RP1L1: variants seen among roughly 807,000 people sequenced by gnomAD.
RP1L1 encodes retinitis pigmentosa 1-like 1 protein.
A neutral mutation model predicts 15.7 loss-of-function variants in RP1L1; 27 were observed. The observed-to-expected ratio is 1.72, with a 90% CI of 1.27 to 2.38. The LOEUF is 2.38. Among genes scored for constraint, RP1L1 ranks in the 30% most tolerant of loss-of-function variants. The pLI is 0.00. For synonymous variants in RP1L1, 1,813 were observed against 1,276.7 expected (o/e 1.42, Z -8.96); for missense variants, 4,798 against 3,075.9 (o/e 1.56, Z -13.24).
chr8:10,607,484 G>A lies in RP1L1; in HGVS notation c.6614C>T (p.Ala2205Val). ...CTCTACACCTTCTAACTCTGGTTGG[G>A]CCTCCCCTTCTGCCTCTGGGGCCTC... ...GIEAPEAEGE[A>V]QPELEGVEAP... Residue 2205 changes from alanine to valine, a missense_variant, in exon 4 of 4, where the codon GCC becomes GTC. By Grantham distance (64) the Ala-to-Val change is moderately conservative. Coordinates refer to ENST00000382483, the MANE Select transcript of RP1L1 (RefSeq NM_178857.6). 1 of 1,609,236 alleles carries A rather than the reference G, an allele frequency of 6.2e-7. No homozygotes were observed. Among genetic ancestry groups the A allele is most frequent in the Non-Finnish European group, 8.5e-7 (1 of 1,176,952 alleles).
chr8:10,654,639 T>C (rs1227213669), intron 1 of RP1L1, among the ~76,000 whole-genome samples: 1 of 152,202 alleles, frequency 6.6e-6, no homozygotes. Flanking sequence ...CAGGCTGTGA[T>C]ACTAACATCC....
At chr8:10,618,380 C>T (rs183368509) in intron 2 of RP1L1, among the ~76,000 whole-genome samples, 17 of 152,214 alleles carry the variant, frequency 1.1e-4, no homozygotes, top group African/African-American at 2.9e-4. Flanking sequence ...TGGTGGTAGA[C>T]GCCTGTAATC....
At position 10,611,449 on chromosome 8, in the gene RP1L1, C is replaced by T; in HGVS notation, c.2649G>A (p.Gly883=). 4 of 1,570,954 alleles carry T rather than the reference C, an allele frequency of 2.5e-6. No individual in the cohort carries two copies. Among genetic ancestry groups the T allele is most frequent in the Non-Finnish European group, 3.4e-6 (4 of 1,160,682 alleles). ...TGSSHQSTAR[G]PGGSPQEGTR... is the part of the protein sequence containing the mutation. ...TCCCCTCCTGCGGGCTCCCACCTGG[C>T]CCCCGGGCAGTGCTTTGGTGGCTGC... Residue 883 remains glycine, a synonymous_variant, in exon 4 of 4, where the codon GGG becomes GGA. Coordinates refer to ENST00000382483, the MANE Select transcript of RP1L1 (RefSeq NM_178857.6).
chr8:10,621,599 T>C, intron 2 of RP1L1: 3 of 424,922 alleles, frequency 7.1e-6, no homozygotes, highest in East Asian at 7.3e-5. Context: ...GTGCTGGGAT[T>C]ACAGGCGTGC....
rs550213627 is a variant in RP1L1 at position 10,655,043 on chromosome 8, C to T, written c.-165G>A. The stretch of plus-strand genomic sequence containing the variant: ...GGCAGCAGGGCTGGCCACCCTCCTC[C>T]GGACAGTCCTCGGGGCCACTCTCCT... On this transcript the variant is annotated 5_prime_UTR_variant, in exon 1 of 4. Transcript: ENST00000382483. 2.5e-3 allele frequency: 378 copies of T among 152,892 alleles called. 4 individuals carry two copies. Among genetic ancestry groups the T allele is most frequent in the Non-Finnish European group, 3.9e-3 (268 of 68,134 alleles). 9.5% of individuals were successfully genotyped at this position (152,892 alleles called of 1,614,324 possible).
intron 1 of RP1L1, among the ~76,000 whole-genome samples, chr8:10,637,926 T>A (rs1434717506): frequency 6.6e-6 from 1 of 152,220 alleles, no homozygotes; most frequent in Non-Finnish European, 1.5e-5. Flanking sequence ...GAGCTAGTTC[T>A]TGGGACAGCC....
intron 1 of RP1L1, among the ~76,000 whole-genome samples, chr8:10,637,193 C>A (rs1324015287): frequency 6.6e-6 from 1 of 152,202 alleles, no homozygotes; most frequent in Non-Finnish European, 1.5e-5. Flanking sequence ...CACAGCAAGG[C>A]TGCCTCTCCC....
At chr8:10,649,063 C>A (rs942032077) in intron 1 of RP1L1, among the ~76,000 whole-genome samples, 6 of 152,232 alleles carry the variant, frequency 3.9e-5, no homozygotes, top group Non-Finnish European at 8.8e-5. Flanking sequence ...AGATGGGAGA[C>A]TTCTCTGTGG....
chr8:10,644,068 T>C (rs1367682323), intron 1 of RP1L1, among the ~76,000 whole-genome samples: 1 of 152,002 alleles, frequency 6.6e-6, no homozygotes, highest in African/African-American at 2.4e-5. Context: ...AAGGCTATGT[T>C]GGGTTCCAAG....
At chr8:10,622,202 T>C (rs1798070436) in intron 2 of RP1L1, among the ~76,000 whole-genome samples, 1 of 151,860 alleles carries the variant, frequency 6.6e-6, no homozygotes, top group African/African-American at 2.4e-5. Flanking sequence ...ATGCCTGTAA[T>C]CCCAGCTACT....
intron 1 of RP1L1, among the ~76,000 whole-genome samples, chr8:10,632,104 G>C (rs1464961044): frequency 6.6e-6 from 1 of 152,178 alleles, no homozygotes; most frequent in Non-Finnish European, 1.5e-5. Context: ...CACAAAGATG[G>C]GGCAACCCTG....
chr8:10,615,322 G>T (rs1275538031), intron 3 of RP1L1, among the ~76,000 whole-genome samples: 2 of 152,196 alleles, frequency 1.3e-5, no homozygotes, highest in Non-Finnish European at 1.5e-5. Context: ...AAATAAGTGT[G>T]TGTAGTTTTA....
At chr8:10,645,554 G>A (rs1171184765) in intron 1 of RP1L1, among the ~76,000 whole-genome samples, 2 of 152,132 alleles carry the variant, frequency 1.3e-5, no homozygotes, top group African/African-American at 2.4e-5. Flanking sequence ...TCCAGCCCTC[G>A]GAGGGAGGAT....
In RP1L1 at chr8:10,608,681, T is replaced by G. The variant is rs373652330; in HGVS notation, c.5417A>C (p.Gln1806Pro). The G allele has an allele frequency of 6.2e-7, 1 of 1,614,212 alleles. No homozygotes were observed. Among genetic ancestry groups the G allele is most frequent in the Non-Finnish European group, 8.5e-7 (1 of 1,180,038 alleles). Residue 1806 changes from glutamine (Q) to proline (P), a missense_variant, in exon 4 of 4, where the codon CAA becomes CCA. Transcript: ENST00000382483. ...GISERGETGG[Q>P]GSGHEDNLQG... ...CAAGTTGTCCTCATGCCCAGAGCCT[T>G]GACCCCCAGTTTCTCCCCTTTCACT...
chr8:10,652,202 T>G (rs1798573022), intron 1 of RP1L1, among the ~76,000 whole-genome samples: 1 of 152,204 alleles, frequency 6.6e-6, no homozygotes, highest in Admixed American at 6.5e-5. Flanking sequence ...AAGCCACGCA[T>G]GACTCCACTA....
intron 1 of RP1L1, among the ~76,000 whole-genome samples, chr8:10,637,535 C>T (rs1025910200): frequency 6.6e-6 from 1 of 152,130 alleles, no homozygotes; most frequent in Non-Finnish European, 1.5e-5. Context: ...CACTTGAGCC[C>T]AGCAGTTCAA....
Position 10,622,908 on chromosome 8 carries a change from A to G in RP1L1, c.294T>C (p.Asp98=). Residue 98 remains aspartate (D), a synonymous_variant, in exon 2 of 4, where the codon GAT becomes GAC. Coordinates refer to ENST00000382483, the MANE Select transcript of RP1L1 (RefSeq NM_178857.6). ...HSLSALEQLE[D]GGCYLCSDKK... ...TATCAGAGCAGAGGTAGCAGCCTCC[A>G]TCTTCCAGCTGCTCCAGGGCGCTGA... is the stretch of plus-strand genomic sequence containing the variant. 1 of 1,613,974 alleles carries G rather than the reference A, an allele frequency of 6.2e-7. No homozygotes were observed. Among genetic ancestry groups the G allele is most frequent in the Non-Finnish European group, 8.5e-7 (1 of 1,179,930 alleles).
In RP1L1 at chr8:10,610,109, C is replaced by A. The variant is rs1317138023; in HGVS notation, c.3989G>T (p.Gly1330Val). The A allele has an allele frequency of 1.6e-5, 24 of 1,475,330 alleles. 4 individuals are homozygous for A. Among genetic ancestry groups the A allele is most frequent in the East Asian group, 1.5e-4 (5 of 32,516 alleles). 91.4% of individuals were successfully genotyped at this position (1,475,330 alleles called of 1,614,324 possible). The change falls in exon 4 of 4, where the codon GGG becomes GTG. Residue 1330 changes from glycine (G) to valine (V), a missense_variant. Coordinates refer to ENST00000382483, the MANE Select transcript of RP1L1 (RefSeq NM_178857.6). Reference sequence around the variant, plus strand: ...TAACTGCACCCCCTCTTCTTGCAGCCCTTCTTCTGTTTTAGTTTCCTCTAA... The same window carrying A: ...TAACTGCACCCCCTCTTCTTGCAGCACTTCTTCTGTTTTAGTTTCCTCTAA... ...VQLEETKTEE[G>V]LQEEGVQLEE...
At chr8:10,630,476 G>T (rs1401552933) in intron 1 of RP1L1, among the ~76,000 whole-genome samples, 1 of 152,204 alleles carries the variant, frequency 6.6e-6, no homozygotes, top group East Asian at 1.9e-4. Flanking sequence ...GAGAAAGAGG[G>T]GTAAAGTTTG....
Sources: gnomAD v4.1 joint callset for allele counts (sites outside exome capture counted in the v4.1 genomes callset) on GRCh38, gnomAD v4.1.1 for gene constraint, MANE v1.5 for transcripts, NCBI Gene and HGNC (gene_info 2026-07-23, HGNC 2026-07-21) for gene names.